The following FLT4 variants were observed in gnomAD, a reference collection of about 807,000 sequenced individuals.
The protein encoded by FLT4 is fms related receptor tyrosine kinase 4.
A neutral mutation model predicts 163.2 loss-of-function variants in FLT4; 30 were observed. That is an observed-to-expected ratio of 0.18 (90% confidence interval 0.14 to 0.25). The LOEUF (loss-of-function observed/expected upper bound fraction) is 0.25. FLT4 is among the 10% of genes least tolerant of loss of function. The pLI is 1.00. For synonymous variants in FLT4, 884 were observed against 789.5 expected (o/e 1.12, Z -2.01); for missense variants, 1,510 against 1,863.8 (o/e 0.81, Z 3.50).
At chr5:180,632,789 T>C (rs1436789884) in intron 1 of FLT4, among the ~76,000 whole-genome samples, 2 of 152,248 alleles carry the variant, frequency 1.3e-5, no homozygotes, top group African/African-American at 4.8e-5. Context: ...TGTTCACACA[T>C]GAGTGTGTAT....
rs1227177295 is a variant in FLT4 at position 180,623,058 on chromosome 5, A to G, written c.1549-219T>C. On this transcript the variant is annotated intron_variant, in intron 11 of 29. Coordinates refer to ENST00000261937, the MANE Select transcript of FLT4 (RefSeq NM_182925.5). The surrounding 1 kb of genome is among the most constrained non-coding windows in gnomAD (Gnocchi z 5.8). ...GAGAGGTAGCTGCCCAGAAAAGTCAAGGGACAGTGTATGGACTGCTGGCCT... is the reference window on the plus strand; with the variant it reads ...GAGAGGTAGCTGCCCAGAAAAGTCAGGGGACAGTGTATGGACTGCTGGCCT... Among the ~76,000 whole-genome samples, 2 of 152,284 alleles carry G rather than the reference A, an allele frequency of 1.3e-5. No individual in the cohort carries two copies. The highest frequency in any genetic ancestry group is 3.9e-4 in the East Asian group (2 of 5,176).
At chr5:180,629,521 C>T in intron 6 of FLT4, 94 bp from the exon 7 acceptor site, 48 of 1,532,362 alleles carry the variant, frequency 3.1e-5, no homozygotes, top group Non-Finnish European at 4.2e-5. Context: ...AGCGGTGGCT[C>T]CGGAAGCCCT....
At chr5:180,610,613 T>C (rs557679482) in intron 27 of FLT4, among the ~76,000 whole-genome samples, 167 of 152,296 alleles carry the variant, frequency 1.1e-3, no homozygotes, top group African/African-American at 4.0e-3. Flanking sequence ...TTAGGTTACG[T>C]TCTCCTCCTG....
At chr5:180,611,254 A>G (rs1762167286) in intron 27 of FLT4, 77 bp downstream of exon 27, 1 of 1,459,662 alleles carries the variant, frequency 6.9e-7, no homozygotes, top group African/African-American at 1.4e-5. Flanking sequence ...CTTTTCCCCG[A>G]TGACGCAGAG....
intron 26 of FLT4, chr5:180,611,733 C>G (rs373326544): frequency 5.2e-6 from 3 of 576,266 alleles, no homozygotes; most frequent in Admixed American, 3.0e-5. Context: ...ACAGAGGAAA[C>G]GAGCTCATGC....
chr5:180,637,494 A>G (rs67989055), intron 1 of FLT4, among the ~76,000 whole-genome samples: 130,512 of 152,130 alleles, frequency 0.86, 56,424 homozygotes, highest in East Asian at 0.98. Flanking sequence ...TTTCTCTTCT[A>G]ATCACCAGTC....
chr5:180,633,434 A>G (rs1254406396), intron 1 of FLT4, among the ~76,000 whole-genome samples: 1 of 148,006 alleles, frequency 6.8e-6, no homozygotes, highest in Non-Finnish European at 1.5e-5. Context: ...TGGGGCCCCG[A>G]GGTGGAAGGG....
At chr5:180,613,862 G>A in intron 24 of FLT4, 2 of 638,182 alleles carry the variant, frequency 3.1e-6, no homozygotes, top group South Asian at 3.4e-5. Flanking sequence ...ACAGAGGGTG[G>A]CCCACGTTGG....
rs1363114765 is a variant in FLT4, at chr5:180,606,908, A to AC, written c.3893+2059_3893+2060insG. 2.5e-3 allele frequency among the ~76,000 whole-genome samples: 315 copies of AC among 128,132 alleles called. 3 individuals carry two copies. Among genetic ancestry groups the AC allele is most frequent in the African/African-American group, 2.9e-3 (94 of 32,816 alleles). 84.1% of individuals were successfully genotyped at this position (128,132 alleles called of 152,430 possible). On this transcript the variant is annotated intron_variant, in intron 29 of 29. Coordinates refer to ENST00000261937, the MANE Select transcript of FLT4 (RefSeq NM_182925.5). ...CCGTCTCTACTAAAAAAAAAAAAAA[A>AC]AAAAAAACAAACAAACAAACTTAGC...
intron 23 of FLT4, among the ~76,000 whole-genome samples, chr5:180,615,153 T>C (rs56125108): frequency 0.035 from 4,734 of 134,754 alleles, 119 homozygotes; most frequent in East Asian, 0.1. Context: ...GCGGCCCCGC[T>C]GGTCACCTCC....
At chr5:180,633,808 C>G (rs1034095663) in intron 1 of FLT4, among the ~76,000 whole-genome samples, 2 of 152,176 alleles carry the variant, frequency 1.3e-5, no homozygotes, top group African/African-American at 4.8e-5. Context: ...TGAATAGACT[C>G]TACCTTCCCA....
rs889351297 is a variant in FLT4 at position 180,636,532 on chromosome 5, C to G, written c.59-4754G>C. Among the ~76,000 whole-genome samples, 7 of 149,316 alleles carry G rather than the reference C, an allele frequency of 4.7e-5. No homozygotes were observed. The highest frequency in any genetic ancestry group is 6.8e-3 in the Middle Eastern group (2 of 294). ...TCACTTCCCCTCATTCTCTGCTGAC[C>G]GTAGCTCCTGGCTCACCATCCCCCC... On this transcript the variant is annotated intron_variant, in intron 1 of 29. Coordinates refer to ENST00000261937, the MANE Select transcript of FLT4 (RefSeq NM_182925.5). This position sits in a 1 kb window ranked among gnomAD's most constrained non-coding sequence, Gnocchi z 4.3.
In FLT4 at chr5:180,623,973, G is replaced by A. The variant is rs2127822537; in HGVS notation, c.1510C>T (p.Leu504=). 1 of 1,613,632 alleles carries A rather than the reference G, an allele frequency of 6.2e-7. No homozygotes were observed. The highest frequency in any genetic ancestry group is 8.5e-7 in the Non-Finnish European group (1 of 1,180,002). ...TQDAVNPIES[L]DTWTEFVEGK... ...TCCACAAACTCGGTCCAGGTGTCCA[G>A]GCTCTCGATGGGGTTCACGGCATCC... is the stretch of plus-strand genomic sequence containing the variant. Residue 504 remains leucine (L), a synonymous_variant, in exon 11 of 30, where the codon CTG becomes TTG. Transcript: ENST00000261937. The surrounding 1 kb of genome is among the most constrained non-coding windows in gnomAD (Gnocchi z 5.8).
At chr5:180,607,551 G>C (rs1168991135) in intron 29 of FLT4, among the ~76,000 whole-genome samples, 10 of 151,184 alleles carry the variant, frequency 6.6e-5, no homozygotes, top group African/African-American at 2.4e-4. Context: ...TGAGGCAGGA[G>C]AATGGCGTGA....
At chr5:180,649,693 C>A (rs1052309203), upstream of FLT4, 47 of 232,564 alleles carry the variant, frequency 2.0e-4, no homozygotes, top group African/African-American at 1.1e-3. Flanking sequence ...GCGCCCCCCT[C>A]CCCCCGTCCC....
chr5:180,633,056 C>A (rs866185276), intron 1 of FLT4, among the ~76,000 whole-genome samples: 1 of 152,142 alleles, frequency 6.6e-6, no homozygotes, highest in African/African-American at 2.4e-5. Flanking sequence ...TCCCTGAGGC[C>A]CCAGGGTCCC....
rs1201301841 is a variant in FLT4 at position 180,630,598 on chromosome 5, G to A, written c.357C>T (p.Arg119=). ...AGCTGGCGGCCGTGGTGCCCTCGAT[G>A]CGTGCCTTGATGTACTTGTAGTAGC... ...YVCYYKYIKA[R]IEGTTAASSY... is the part of the protein sequence containing the mutation. The change falls in exon 3 of 30, where the codon CGC becomes CGT. Residue 119 remains arginine, a synonymous_variant. Coordinates refer to ENST00000261937, the MANE Select transcript of FLT4 (RefSeq NM_182925.5). The surrounding 1 kb of genome is among the most constrained non-coding windows in gnomAD (Gnocchi z 6.3). 6.2e-7 allele frequency: 1 copy of A among 1,612,920 alleles called. No homozygotes were observed. Among genetic ancestry groups the A allele is most frequent in the Non-Finnish European group, 8.5e-7 (1 of 1,179,976 alleles).
chr5:180,632,486 C>T (rs1415232221), intron 1 of FLT4, among the ~76,000 whole-genome samples: 2 of 152,186 alleles, frequency 1.3e-5, no homozygotes, highest in East Asian at 1.9e-4. Flanking sequence ...CAAATAAACC[C>T]GCCTCATCTG....
chr5:180,621,430 G>A (rs1162525438), intron 13 of FLT4, 112 bp downstream of exon 13: 2 of 1,489,750 alleles, frequency 1.3e-6, no homozygotes, highest in Non-Finnish European at 1.8e-6. Context: ...GGTAGCTCCT[G>A]CAGGCCAGGG....
Sources: allele counts gnomAD v4.1 joint callset (sites outside exome capture counted in the v4.1 genomes callset), GRCh38; gene constraint gnomAD v4.1.1; non-coding constraint Gnocchi (gnomAD v3.1); transcripts MANE v1.5; gene names NCBI Gene and HGNC (gene_info 2026-07-23, HGNC 2026-07-21).